Variants in PTTG1IP observed in about 807,000 individuals in gnomAD.
PTTG1IP encodes the protein PTTG1 interacting protein.
A neutral mutation model predicts 24.4 loss-of-function variants in PTTG1IP; 16 were observed. The ratio of observed to expected loss-of-function variants is 0.66; its 90% CI spans 0.44 to 1.00. The LOEUF is 1.00. Among genes scored for constraint, PTTG1IP ranks in the 50% least tolerant of loss-of-function variants. PTTG1IP has a pLI of 0.00. For synonymous variants in PTTG1IP, 89 were observed against 96.8 expected, an observed-to-expected ratio of 0.92 and a Z score of 0.47; for missense variants, 241 against 245.8, an observed-to-expected ratio of 0.98 and a Z score of 0.13.
intron 2 of PTTG1IP, among the ~76,000 whole-genome samples, chr21:44,863,982 C>T (rs921924097): frequency 6.6e-6 from 1 of 151,656 alleles, no homozygotes; most frequent in East Asian, 1.9e-4. Flanking sequence ...GCTACGGTCT[C>T]GTGGAGGAAG....
intron 2 of PTTG1IP, among the ~76,000 whole-genome samples, chr21:44,861,514 C>T (rs986077433): frequency 7.9e-5 from 12 of 152,188 alleles, no homozygotes; most frequent in African/African-American, 2.9e-4. Flanking sequence ...ACTCAGGCCT[C>T]TTCCACAACT....
chr21:44,857,255 T>C (rs1345225544), intron 3 of PTTG1IP, among the ~76,000 whole-genome samples: 4 of 152,172 alleles, frequency 2.6e-5, no homozygotes, highest in African/African-American at 7.2e-5. Context: ...ATCGGGAGGA[T>C]TGCTTGAGCC....
At chr21:44,864,053 G>A (rs192720793) in intron 2 of PTTG1IP, among the ~76,000 whole-genome samples, 4 of 152,288 alleles carry the variant, frequency 2.6e-5, no homozygotes, top group African/African-American at 9.6e-5. Context: ...CATCTTTCCC[G>A]GCCTCCTCAT....
At chr21:44,867,540 A>G (rs1360888055) in intron 1 of PTTG1IP, among the ~76,000 whole-genome samples, 1 of 152,218 alleles carries the variant, frequency 6.6e-6, no homozygotes, top group Non-Finnish European at 1.5e-5. Flanking sequence ...ATATTCCCGT[A>G]AGAAAAATGT....
intron 1 of PTTG1IP, 81 bp downstream of exon 1, chr21:44,873,421 C>G: frequency 8.3e-7 from 1 of 1,201,050 alleles, no homozygotes; most frequent in Non-Finnish European, 1.0e-6. Flanking sequence ...GCGCCCTGGC[C>G]GAAACCCCGA....
At chr21:44,851,943 G>T (rs932668873) in intron 5 of PTTG1IP, among the ~76,000 whole-genome samples, 2 of 152,178 alleles carry the variant, frequency 1.3e-5, no homozygotes, top group Admixed American at 1.3e-4. Context: ...TTCCACAGTG[G>T]ATGGCTACTA....
intron 5 of PTTG1IP, among the ~76,000 whole-genome samples, chr21:44,854,773 G>C (rs996062526): frequency 1.3e-5 from 2 of 152,220 alleles, no homozygotes; most frequent in African/African-American, 4.8e-5. Flanking sequence ...AGAAGGAGCA[G>C]GGCCGGTGCT....
At chr21:44,853,236 G>C (rs1461898478) in intron 5 of PTTG1IP, among the ~76,000 whole-genome samples, 1 of 152,220 alleles carries the variant, frequency 6.6e-6, no homozygotes, top group Non-Finnish European at 1.5e-5. Flanking sequence ...GGCTGGGTGT[G>C]GTGGCTCATG....
intron 3 of PTTG1IP, among the ~76,000 whole-genome samples, chr21:44,858,330 T>G (rs2083463810): frequency 1.3e-5 from 2 of 152,234 alleles, no homozygotes; most frequent in South Asian, 4.2e-4. Context: ...CTAAAACGGG[T>G]ATCATGTGCG....
chr21:44,865,759 A>AG, intron 1 of PTTG1IP: 1 of 482,164 alleles, frequency 2.1e-6, no homozygotes, highest in Non-Finnish European at 3.8e-6. Flanking sequence ...TCTCTGTGAG[A>AG]GGAAGTGTGC....
intron 1 of PTTG1IP, among the ~76,000 whole-genome samples, chr21:44,872,419 G>A (rs2083594536): frequency 6.6e-6 from 1 of 152,236 alleles, no homozygotes. Context: ...GCTAACAAGA[G>A]CTGAGAAAAG....
At chr21:44,872,580 C>T (rs2083596303) in intron 1 of PTTG1IP, among the ~76,000 whole-genome samples, 3 of 152,320 alleles carry the variant, frequency 2.0e-5, no homozygotes, top group Middle Eastern at 6.8e-3. Context: ...CCAACCATGA[C>T]ACTCTCCAGC....
intron 2 of PTTG1IP, chr21:44,861,922 C>T: frequency 1.4e-6 from 1 of 704,032 alleles, no homozygotes; most frequent in Non-Finnish European, 2.6e-6. Context: ...CTCTGACCTT[C>T]ACAACTGCAC....
chr21:44,855,902 G>A (rs1169787813), intron 4 of PTTG1IP, among the ~76,000 whole-genome samples: 1 of 152,148 alleles, frequency 6.6e-6, no homozygotes, highest in Non-Finnish European at 1.5e-5. Flanking sequence ...TGGACGAGCC[G>A]CCTTAGCAGC....
In PTTG1IP at chr21:44,851,134, G is replaced by T; in HGVS notation, c.*447C>A. On this transcript the variant is annotated 3_prime_UTR_variant, in exon 6 of 6. Coordinates refer to ENST00000330938, the MANE Select transcript of PTTG1IP (RefSeq NM_004339.4). ...CACAGACGCTGTCCGTGGTTTTATGGGGAATGATGAGGGCTGGTCAGTTCT... is the reference window on the plus strand; with the variant it reads ...CACAGACGCTGTCCGTGGTTTTATGTGGAATGATGAGGGCTGGTCAGTTCT... 1.9e-6 allele frequency: 1 copy of T among 513,444 alleles called. No homozygotes were observed. The highest frequency in any genetic ancestry group is 3.1e-5 in the South Asian group (1 of 32,334). The allele number at this position is 513,444 out of a possible 1,614,324, so 31.8% of individuals were successfully genotyped here.
In PTTG1IP at chr21:44,873,126, G is replaced by A. The variant is rs572977806; in HGVS notation, c.115+376C>T. 498 of 154,066 alleles carry A rather than the reference G, an allele frequency of 3.2e-3. 1 individual carries two copies. Among genetic ancestry groups the A allele is most frequent in the African/African-American group, 0.011 (467 of 41,638 alleles). The allele number at this position is 154,066 out of a possible 1,614,324, so 9.5% of individuals were successfully genotyped here. ...CGAACACGTCGTGAGCCGGCTTCCC[G>A]GCTCGGGATCGAACCCGAGGAGTGC... On this transcript the variant is annotated intron_variant, in intron 1 of 5. Coordinates refer to ENST00000330938, the MANE Select transcript of PTTG1IP (RefSeq NM_004339.4).
chr21:44,861,069 T>C, intron 3 of PTTG1IP, 94 bp downstream of exon 3: 1 of 1,047,094 alleles, frequency 9.6e-7, no homozygotes, highest in Non-Finnish European at 1.4e-6. Context: ...CCCAAAGTGC[T>C]GGGATTACAG....
At chr21:44,864,583 G>A (rs2083520450) in intron 2 of PTTG1IP, among the ~76,000 whole-genome samples, 1 of 152,198 alleles carries the variant, frequency 6.6e-6, no homozygotes, top group Non-Finnish European at 1.5e-5. Context: ...ATTTTTAGTA[G>A]AGACGGGGTT....
chr21:44,862,836 G>A (rs1461546398), intron 2 of PTTG1IP, among the ~76,000 whole-genome samples: 2 of 152,200 alleles, frequency 1.3e-5, no homozygotes, highest in Non-Finnish European at 1.5e-5. Flanking sequence ...TCATTTGGGA[G>A]TATCTTCCAT....
Sources: allele counts gnomAD v4.1 joint callset (sites outside exome capture counted in the v4.1 genomes callset), GRCh38; gene constraint gnomAD v4.1.1; transcripts MANE v1.5; gene names NCBI Gene and HGNC (gene_info 2026-07-23, HGNC 2026-07-21).